Variants in EXOC4 observed in about 807,000 individuals in gnomAD.
EXOC4 encodes the protein exocyst complex component 4.
In EXOC4, 71 loss-of-function variants were observed where a neutral mutation model predicts 107.2. The observed-to-expected ratio is 0.66, with a 90% CI of 0.55 to 0.81. EXOC4 has a LOEUF of 0.81. EXOC4 is among the 30% of genes least tolerant of loss of function. The pLI is 0.00. For missense variants in EXOC4, 1,108 were observed against 1,189.6 expected (o/e 0.93, Z 1.01); for synonymous variants, 456 against 441.2 (o/e 1.03, Z -0.42).
At chr7:133,863,261 C>G (rs1798571958) in intron 11 of EXOC4, among the ~76,000 whole-genome samples, 1 of 151,900 alleles carries the variant, frequency 6.6e-6, no homozygotes, top group African/African-American at 2.4e-5. Flanking sequence ...TGCTGGATCA[C>G]CTAGATATCC....
chr7:133,979,830 A>T (rs1347908978), intron 14 of EXOC4, among the ~76,000 whole-genome samples: 1 of 152,042 alleles, frequency 6.6e-6, no homozygotes, highest in Non-Finnish European at 1.5e-5. Context: ...TCGTTAAAGA[A>T]CCTAGCTTGG....
rs563775891 is a variant in EXOC4, at chr7:133,632,104, T to G, written c.1514+1963T>G. On this transcript the variant is annotated intron_variant, in intron 10 of 17. Coordinates refer to ENST00000253861, the MANE Select transcript of EXOC4 (RefSeq NM_021807.4). The stretch of plus-strand genomic sequence containing the variant: ...TGTAAATATATATGTTAGTACTTAT[T>G]TTACACTTAATAAAATGCATTTTTT... Among the ~76,000 whole-genome samples, 9 of 152,268 alleles carry G rather than the reference T, an allele frequency of 5.9e-5. No homozygotes were observed. In the East Asian group the frequency reaches 1.7e-3, roughly 29 times the overall value.
intron 7 of EXOC4, among the ~76,000 whole-genome samples, chr7:133,463,389 C>G (rs920765515): frequency 1.7e-4 from 26 of 152,124 alleles, no homozygotes; most frequent in African/African-American, 5.8e-4. Context: ...TCCTAAACAT[C>G]TGCTGCATTG....
chr7:133,929,548 T>G (rs1456386711), intron 13 of EXOC4, among the ~76,000 whole-genome samples: 2 of 152,164 alleles, frequency 1.3e-5, no homozygotes, highest in Non-Finnish European at 2.9e-5. Context: ...TTACTCTTCT[T>G]TATAGTATCT....
At chr7:133,991,990 G>T (rs1022035749) in intron 14 of EXOC4, among the ~76,000 whole-genome samples, 1 of 152,108 alleles carries the variant, frequency 6.6e-6, no homozygotes, top group African/African-American at 2.4e-5. Context: ...TTTCTGTGAA[G>T]AATGTCATTG....
At chr7:133,724,501 A>C (rs920002302) in intron 10 of EXOC4, among the ~76,000 whole-genome samples, 6 of 152,220 alleles carry the variant, frequency 3.9e-5, no homozygotes, top group Non-Finnish European at 5.9e-5. Context: ...TCTACTGTGT[A>C]CATTATATTG....
intron 9 of EXOC4, among the ~76,000 whole-genome samples, chr7:133,485,110 T>A (rs1229259428): frequency 6.8e-4 from 99 of 144,560 alleles, no homozygotes; most frequent in African/African-American, 2.3e-3. Flanking sequence ...AATAAATAAA[T>A]AAATAAATAA....
At chr7:133,899,150 G>A (rs1486403943) in intron 12 of EXOC4, among the ~76,000 whole-genome samples, 3 of 151,290 alleles carry the variant, frequency 2.0e-5, no homozygotes, top group Non-Finnish European at 4.4e-5. Context: ...CTGATTATGG[G>A]CACCCAATAA....
chr7:133,640,550 C>A (rs1802829031), intron 10 of EXOC4, among the ~76,000 whole-genome samples: 1 of 152,054 alleles, frequency 6.6e-6, no homozygotes, highest in East Asian at 1.9e-4. Context: ...CTTGTGGGGC[C>A]AAGGAGGTTC....
the EXOC4 span, among the ~76,000 whole-genome samples, chr7:134,087,773 A>G: frequency 6.6e-6 from 1 of 152,196 alleles, no homozygotes; most frequent in Non-Finnish European, 1.5e-5. Flanking sequence ...TTTAATAACA[A>G]GTGTACCATA....
chr7:133,534,768 A>G (rs1253760887), intron 9 of EXOC4, among the ~76,000 whole-genome samples: 1 of 152,196 alleles, frequency 6.6e-6, no homozygotes, highest in Non-Finnish European at 1.5e-5. Flanking sequence ...CATAAACAGC[A>G]TATTTTCCTT....
the EXOC4 span, among the ~76,000 whole-genome samples, chr7:134,087,691 T>C: frequency 1.3e-5 from 2 of 152,158 alleles, 1 homozygote; most frequent in South Asian, 4.1e-4. Context: ...GATCACTAGT[T>C]GGTTCACAGG....
intron 10 of EXOC4, chr7:133,768,401 A>G (rs1476770665): frequency 6.6e-6 from 1 of 151,938 alleles, no homozygotes; most frequent in Non-Finnish European, 1.5e-5. Context: ...TCAACTGCGA[A>G]TGGGCAATCA....
chr7:133,973,680 G>T (rs1466696587), intron 14 of EXOC4, among the ~76,000 whole-genome samples: 1 of 152,198 alleles, frequency 6.6e-6, no homozygotes, highest in Non-Finnish European at 1.5e-5. Flanking sequence ...AGAATACAGG[G>T]TAATGAATTG....
At chr7:133,338,228 T>TC (rs1196137706) in intron 5 of EXOC4, among the ~76,000 whole-genome samples, 1 of 152,170 alleles carries the variant, frequency 6.6e-6, no homozygotes, top group Non-Finnish European at 1.5e-5. Context: ...TACAAAGTTT[T>TC]CATTCATCAC....
intron 13 of EXOC4, among the ~76,000 whole-genome samples, chr7:133,928,412 C>T (rs1344866937): frequency 2.6e-5 from 4 of 152,164 alleles, no homozygotes; most frequent in African/African-American, 4.8e-5. Context: ...TCTGCTGATG[C>T]CTGTTCTCTG....
At chr7:133,451,233 TA>T (rs547178619) in intron 7 of EXOC4, among the ~76,000 whole-genome samples, 2,554 of 145,070 alleles carry the variant, frequency 0.018, 34 homozygotes, top group Non-Finnish European at 0.03. Context: ...TTTTTTTTTT[TA>T]AATCTTTTGC....
At chr7:134,088,801 A>G in the EXOC4 span, among the ~76,000 whole-genome samples, 19 of 152,148 alleles carry the variant, frequency 1.2e-4, no homozygotes, top group Non-Finnish European at 1.5e-5. Context: ...AAATTTGGTT[A>G]CCTCTGTGGC....
At chr7:133,581,551 G>A (rs1563115588) in intron 9 of EXOC4, among the ~76,000 whole-genome samples, 1 of 151,740 alleles carries the variant, frequency 6.6e-6, no homozygotes, top group Non-Finnish European at 1.5e-5. Flanking sequence ...GAGGTCAGGA[G>A]ATCGAGACCA....
Sources: allele counts gnomAD v4.1 joint callset (sites outside exome capture counted in the v4.1 genomes callset), GRCh38; gene constraint gnomAD v4.1.1; transcripts MANE v1.5; gene names NCBI Gene and HGNC (gene_info 2026-07-23, HGNC 2026-07-21).